NTM: variants seen among roughly 807,000 people sequenced by gnomAD.
NTM encodes the protein IgLON family member 2.
A neutral mutation model predicts 42.1 loss-of-function variants in NTM; 13 were observed. That is an observed-to-expected ratio of 0.31 (90% CI 0.20 to 0.49). The LOEUF is 0.49. NTM is among the 20% of genes least tolerant of loss of function. The pLI, the probability that NTM is intolerant of heterozygous loss-of-function variation, is 0.99. For missense variants in NTM, 373 were observed against 452.8 expected, an observed-to-expected ratio of 0.82 and a Z score of 1.60; for synonymous variants, 187 against 179.2, an observed-to-expected ratio of 1.04 and a Z score of -0.35.
chr11:131,727,505 A>G (rs1414806648), intron 1 of NTM, among the ~76,000 whole-genome samples: 1 of 151,776 alleles, frequency 6.6e-6, no homozygotes, highest in Non-Finnish European at 1.5e-5. Context: ...AGTAATGCTG[A>G]TTAGGTGAGT....
intron 4 of NTM, among the ~76,000 whole-genome samples, chr11:132,213,991 C>A (rs1240840248): frequency 6.7e-6 from 1 of 149,856 alleles, no homozygotes; most frequent in Non-Finnish European, 1.5e-5. Context: ...GCCTCGGCCT[C>A]CCAAAGTGCT....
intron 1 of NTM, among the ~76,000 whole-genome samples, chr11:131,748,932 C>T (rs4937651): frequency 0.22 from 34,126 of 152,112 alleles, 4,755 homozygotes; most frequent in East Asian, 0.41. Flanking sequence ...GGCCCCGGCT[C>T]GGCCTTTCTC....
chr11:132,320,375 G>T (rs1288821527), intron 7 of NTM, among the ~76,000 whole-genome samples: 1 of 152,242 alleles, frequency 6.6e-6, no homozygotes, highest in African/African-American at 2.4e-5. Context: ...AAGTGCAAGG[G>T]ATCAGGGAGT....
At chr11:132,050,594 C>T (rs530433448) in intron 2 of NTM, among the ~76,000 whole-genome samples, 2 of 152,278 alleles carry the variant, frequency 1.3e-5, no homozygotes, top group South Asian at 4.1e-4. Flanking sequence ...GAGATCTGTA[C>T]TTCCAAGGAG....
intron 2 of NTM, among the ~76,000 whole-genome samples, chr11:132,082,481 T>C (rs6590618): frequency 0.3 from 45,066 of 151,952 alleles, 7,399 homozygotes; most frequent in African/African-American, 0.43. Context: ...GCGTACTCCA[T>C]ATTGATTTAT....
intron 1 of NTM, among the ~76,000 whole-genome samples, chr11:131,866,620 A>T (rs1393822841): frequency 6.6e-6 from 1 of 152,228 alleles, no homozygotes; most frequent in Non-Finnish European, 1.5e-5. Flanking sequence ...TGCGCCCTCC[A>T]TGGCGCCCAA....
intron 1 of NTM, among the ~76,000 whole-genome samples, chr11:131,887,660 G>C (rs1459133894): frequency 1.3e-5 from 2 of 152,134 alleles, no homozygotes; most frequent in Non-Finnish European, 2.9e-5. Flanking sequence ...CAAAATTTCA[G>C]ACTTGTTAGA....
chr11:131,446,853 G>A (rs1210229418), intron 1 of NTM, among the ~76,000 whole-genome samples: 1 of 152,196 alleles, frequency 6.6e-6, no homozygotes, highest in African/African-American at 2.4e-5. Context: ...AGTATTTCTA[G>A]GACACATGTC....
At chr11:131,588,109 T>C (rs2059036492) in intron 1 of NTM, among the ~76,000 whole-genome samples, 1 of 68,750 alleles carries the variant, frequency 1.5e-5, no homozygotes, top group African/African-American at 6.1e-5. Context: ...ATTTCACAGA[T>C]GAAGAAACCG....
chr11:131,510,563 A>G (rs1246622751), intron 1 of NTM, among the ~76,000 whole-genome samples: 1 of 152,200 alleles, frequency 6.6e-6, no homozygotes, highest in Non-Finnish European at 1.5e-5. Flanking sequence ...TAAGTGTCCA[A>G]TAACTTCAGC....
chr11:132,054,548 C>A (rs2079323733), intron 2 of NTM, among the ~76,000 whole-genome samples: 1 of 152,158 alleles, frequency 6.6e-6, no homozygotes, highest in Non-Finnish European at 1.5e-5. Flanking sequence ...TAGGGAGAGG[C>A]AGATGGATGG....
intron 4 of NTM, among the ~76,000 whole-genome samples, chr11:132,245,983 G>A (rs1454653936): frequency 6.6e-6 from 1 of 152,158 alleles, no homozygotes; most frequent in Admixed American, 6.5e-5. Flanking sequence ...GGGCGGCCAC[G>A]TGCCCCTGTC....
chr11:132,006,853 G>T (rs868636400), intron 2 of NTM, among the ~76,000 whole-genome samples: 9 of 152,242 alleles, frequency 5.9e-5, no homozygotes, highest in Non-Finnish European at 8.8e-5. Context: ...GATCATGGGT[G>T]CCACTTCCTG....
At chr11:132,331,007 G>GCATT (rs1183331424) in intron 8 of NTM, among the ~76,000 whole-genome samples, 1 of 152,222 alleles carries the variant, frequency 6.6e-6, no homozygotes, top group Non-Finnish European at 1.5e-5. Context: ...CTTCCACATA[G>GCATT]CATTCATTCA....
intron 2 of NTM, among the ~76,000 whole-genome samples, chr11:131,957,167 C>T (rs1174604091): frequency 6.6e-6 from 1 of 152,108 alleles, no homozygotes; most frequent in Non-Finnish European, 1.5e-5. Context: ...TGTTTTCTTT[C>T]CAAGATATTA....
At chr11:131,835,917 T>A (rs988484813) in intron 1 of NTM, among the ~76,000 whole-genome samples, 5 of 152,112 alleles carry the variant, frequency 3.3e-5, no homozygotes, top group African/African-American at 1.2e-4. Flanking sequence ...TAGAAGAGTG[T>A]CACAAATACA....
At chr11:131,601,151 C>G (rs1592184367) in intron 1 of NTM, among the ~76,000 whole-genome samples, 1 of 152,290 alleles carries the variant, frequency 6.6e-6, no homozygotes, top group South Asian at 2.1e-4. Context: ...TGGGCCACGC[C>G]CTTTCAACCT....
chr11:131,955,545 T>C (rs911772407), intron 2 of NTM, among the ~76,000 whole-genome samples: 4 of 152,070 alleles, frequency 2.6e-5, no homozygotes, highest in African/African-American at 9.7e-5. Context: ...TGGAGGATAA[T>C]TATCGTAGTT....
rs115137921 is a variant in NTM, at chr11:131,931,396, G to A, written c.167+19748G>A. 7.9e-3 allele frequency among the ~76,000 whole-genome samples: 1,193 copies of A among 151,832 alleles called. 12 individuals are homozygous for A. Among genetic ancestry groups the A allele is most frequent in the African/African-American group, 0.028 (1,138 of 41,360 alleles). On this transcript the variant is annotated intron_variant, in intron 2 of 8. Coordinates refer to ENST00000683400, the MANE Select transcript of NTM (RefSeq NM_001352005.2). The stretch of plus-strand genomic sequence containing the variant: ...CGAGGCTACAGTGAACCGAGATGGC[G>A]CCACTGCAGTCCAGCCTGGGCTACA...
Sources: allele counts gnomAD v4.1 joint callset (sites outside exome capture counted in the v4.1 genomes callset), GRCh38; gene constraint gnomAD v4.1.1; transcripts MANE v1.5; gene names NCBI Gene and HGNC (gene_info 2026-07-23, HGNC 2026-07-21).